The following PTCD2 variants were observed in gnomAD, a reference collection of about 807,000 sequenced individuals.
PTCD2 encodes pentatricopeptide repeat-containing protein 2, mitochondrial.
A neutral mutation model predicts 42.6 loss-of-function variants in PTCD2; 31 were observed. That is an observed-to-expected ratio of 0.73 (90% confidence interval 0.55 to 0.98). The LOEUF is 0.98. Among genes scored for constraint, PTCD2 ranks in the 50% least tolerant of loss-of-function variants. The probability of loss-of-function intolerance (pLI) is 0.00; values close to 1 mark genes in which losing one functional copy is unlikely to be tolerated. For synonymous variants in PTCD2, 183 were observed against 170.9 expected (o/e 1.07, Z -0.55); for missense variants, 476 against 454.8 (o/e 1.05, Z -0.42).
In PTCD2 at chr5:72,360,243, C is replaced by G. The variant is rs1333179507; in HGVS notation, c.*1816C>G. 1 of 151,768 alleles carries G rather than the reference C, an allele frequency of 6.6e-6. No individual in the cohort carries two copies. Among genetic ancestry groups the G allele is most frequent in the East Asian group, 1.9e-4 (1 of 5,176 alleles). 9.4% of individuals were successfully genotyped at this position (151,768 alleles called of 1,614,324 possible). A position where few individuals can be genotyped will look rare whatever the true frequency, so the allele number is the denominator to read the frequency against. ...AAAAAAAAGTGCTTGGATTTCTCCA[C>G]TTTCAGTCTTAGGGAATAATAGGGC... On this transcript the variant is annotated 3_prime_UTR_variant, in exon 10 of 10. Transcript: ENST00000380639.
chr5:72,331,463 G>T, intron 4 of PTCD2, 88 bp downstream of exon 4: 3 of 973,010 alleles, frequency 3.1e-6, no homozygotes, highest in Non-Finnish European at 3.3e-6. Flanking sequence ...ATTATTCCTG[G>T]GTTAGATTTT....
Position 72,331,361 on chromosome 5 carries a change from C to T in PTCD2, c.454C>T (p.Leu152Phe), listed in dbSNP as rs1561380210. ...ELDLEESAVE[L>F]MKDQHLRGFF... Reference sequence around the variant, plus strand: ...GGATCTCGAGGAATCTGCAGTGGAGCTCATGAAAGACCAGGTTATTGTTTC... The same window carrying T: ...GGATCTCGAGGAATCTGCAGTGGAGTTCATGAAAGACCAGGTTATTGTTTC... Residue 152 changes from leucine to phenylalanine, a missense_variant, in exon 4 of 10, where the codon CTC (leucine) becomes TTC (phenylalanine). Physicochemically the swap from Leu to Phe is conservative, Grantham distance 22. Coordinates refer to ENST00000380639, the MANE Select transcript of PTCD2 (RefSeq NM_024754.5). 2 of 1,609,000 alleles carry T rather than the reference C, an allele frequency of 1.2e-6. No individual in the cohort carries two copies. Among genetic ancestry groups the T allele is most frequent in the Admixed American group, 1.7e-5 (1 of 60,014 alleles).
In PTCD2 at chr5:72,364,793, A is replaced by G. The variant is rs1753164206; in HGVS notation, c.*6366A>G. On this transcript the variant is annotated 3_prime_UTR_variant, in exon 10 of 10. Transcript: ENST00000380639. Reference sequence around the variant, plus strand: ...CCTGGGTTGGCCAGTGCATTCATGTACTGGACCAGGGCCCCTGTATCTTGC... The same window carrying G: ...CCTGGGTTGGCCAGTGCATTCATGTGCTGGACCAGGGCCCCTGTATCTTGC... 1 of 152,142 alleles carries G rather than the reference A, an allele frequency of 6.6e-6. No homozygotes were observed. The highest frequency in any genetic ancestry group is 6.5e-5 in the Admixed American group (1 of 15,276). 9.4% of individuals were successfully genotyped at this position (152,142 alleles called of 1,614,324 possible).
intron 7 of PTCD2, among the ~76,000 whole-genome samples, chr5:72,341,052 C>T (rs1374931211): frequency 6.6e-6 from 1 of 151,814 alleles, no homozygotes; most frequent in African/African-American, 2.4e-5. Context: ...GCAACCTCCG[C>T]CTCCTGGGTT....
In PTCD2 at chr5:72,360,322, A is replaced by G. The variant is rs1218609269; in HGVS notation, c.*1895A>G. On this transcript the variant is annotated 3_prime_UTR_variant, in exon 10 of 10. Coordinates refer to ENST00000380639, the MANE Select transcript of PTCD2 (RefSeq NM_024754.5). ...CATCTTCTCCAACTCTCACAGTTCA[A>G]ATGGCTCCAGTGCTGTGGGTGAGTG... 2 of 152,178 alleles carry G rather than the reference A, an allele frequency of 1.3e-5. No individual in the cohort carries two copies. The highest frequency in any genetic ancestry group is 4.8e-5 in the African/African-American group (2 of 41,438). 9.4% of individuals were successfully genotyped at this position (152,178 alleles called of 1,614,324 possible). A position where few individuals can be genotyped will look rare whatever the true frequency, so the allele number is the denominator to read the frequency against.
chr5:72,327,802 A>G (rs960405997), intron 3 of PTCD2, among the ~76,000 whole-genome samples: 1 of 152,150 alleles, frequency 6.6e-6, no homozygotes, highest in Non-Finnish European at 1.5e-5. Flanking sequence ...ATCTGTTTCT[A>G]TATATGAACC....
chr5:72,352,619 C>T, intron 8 of PTCD2, 22 bp from the exon 9 acceptor site: 2 of 1,251,244 alleles, frequency 1.6e-6, no homozygotes, highest in Non-Finnish European at 2.3e-6. Context: ...CTTGGTTTTG[C>T]TTGTGTCTTC....
chr5:72,334,952 A>G, intron 4 of PTCD2, 66 bp from the exon 5 acceptor site: 1 of 952,462 alleles, frequency 1.0e-6, no homozygotes, highest in Non-Finnish European at 1.7e-6. Flanking sequence ...GATAAGAGAC[A>G]GTAAAAGTAC....
At position 72,364,494 on chromosome 5, in the gene PTCD2, G is replaced by A. The variant is rs776747340; in HGVS notation, c.*6067G>A. 4.6e-5 allele frequency: 7 copies of A among 152,066 alleles called. No homozygotes were observed. Among genetic ancestry groups the A allele is most frequent in the Admixed American group, 2.6e-4 (4 of 15,258 alleles). The allele number at this position is 152,066 out of a possible 1,614,324, so 9.4% of individuals were successfully genotyped here. A position where few individuals can be genotyped will look rare whatever the true frequency, so the allele number is the denominator to read the frequency against. On this transcript the variant is annotated 3_prime_UTR_variant, in exon 10 of 10. Transcript: ENST00000380639. ...GTTACAGATCTTTTTCTCCATATCC[G>A]GTCTCTCCTGAAGAACAGAGTATTC...
chr5:72,349,343 A>G (rs545118949), intron 8 of PTCD2, among the ~76,000 whole-genome samples: 18 of 152,324 alleles, frequency 1.2e-4, no homozygotes, highest in African/African-American at 4.3e-4. Flanking sequence ...CCATGACCAT[A>G]CCTAATTGCA....
chr5:72,334,113 G>A (rs187828896), intron 4 of PTCD2, among the ~76,000 whole-genome samples: 9 of 151,976 alleles, frequency 5.9e-5, no homozygotes, highest in Admixed American at 1.3e-4. Context: ...AAGTGATCCC[G>A]CCTCTCCCTC....
At chr5:72,330,963 CTCAGT>C (rs2112146263) in intron 3 of PTCD2, among the ~76,000 whole-genome samples, 1 of 152,354 alleles carries the variant, frequency 6.6e-6, no homozygotes, top group African/African-American at 2.4e-5. Context: ...TGTGCTCACA[CTCAGT>C]CTAGGGGTTG....
chr5:72,346,694 T>C (rs1440098628), intron 8 of PTCD2, among the ~76,000 whole-genome samples: 1 of 152,204 alleles, frequency 6.6e-6, no homozygotes, highest in Non-Finnish European at 1.5e-5. Flanking sequence ...CTCTGACTTA[T>C]CTGCTTCCTA....
Position 72,366,645 on chromosome 5 carries a change from A to G in PTCD2, c.*8218A>G, listed in dbSNP as rs1580202527. ...CAGAGAGAACAGAGGTCCACATAGCAGGCTAGACAGGAAAGGTAGCTGTAG... is the reference window on the plus strand; with the variant it reads ...CAGAGAGAACAGAGGTCCACATAGCGGGCTAGACAGGAAAGGTAGCTGTAG... On this transcript the variant is annotated 3_prime_UTR_variant, in exon 10 of 10. Transcript: ENST00000380639. 6.6e-6 allele frequency: 1 copy of G among 152,238 alleles called. No individual in the cohort carries two copies. The highest frequency in any genetic ancestry group is 1.9e-4 in the East Asian group (1 of 5,194). The allele number at this position is 152,238 out of a possible 1,614,324, so 9.4% of individuals were successfully genotyped here.
chr5:72,355,952 C>G (rs1250420497), intron 9 of PTCD2, among the ~76,000 whole-genome samples: 1 of 152,138 alleles, frequency 6.6e-6, no homozygotes, highest in African/African-American at 2.4e-5. Flanking sequence ...TGTCGCCTTC[C>G]CAGCCCTGTT....
rs1469489546 is a variant in PTCD2 at position 72,365,922 on chromosome 5, A to T, written c.*7495A>T. 6.6e-6 allele frequency: 1 copy of T among 152,190 alleles called. No homozygotes were observed. The highest frequency in any genetic ancestry group is 1.9e-4 in the East Asian group (1 of 5,192). 9.4% of individuals were successfully genotyped at this position (152,190 alleles called of 1,614,324 possible). A position where few individuals can be genotyped will look rare whatever the true frequency, so the allele number is the denominator to read the frequency against. On this transcript the variant is annotated 3_prime_UTR_variant, in exon 10 of 10. Coordinates refer to ENST00000380639, the MANE Select transcript of PTCD2 (RefSeq NM_024754.5). ...TTATAGACAAAAATAGATAACATATAAGACTTACCAGCTGGGCAAGGTAGC... is the reference window on the plus strand; with the variant it reads ...TTATAGACAAAAATAGATAACATATTAGACTTACCAGCTGGGCAAGGTAGC...
chr5:72,334,067 C>T (rs1455379061), intron 4 of PTCD2, among the ~76,000 whole-genome samples: 1 of 152,068 alleles, frequency 6.6e-6, no homozygotes, highest in African/African-American at 2.4e-5. Context: ...TGGGATCTTG[C>T]TGTATTGCCC....
chr5:72,338,599 C>T (rs752904685), intron 6 of PTCD2, 23 bp from the exon 7 acceptor site: 12 of 1,260,024 alleles, frequency 9.5e-6, no homozygotes, highest in South Asian at 3.8e-5. Flanking sequence ...TAACATTAAT[C>T]GAACAATCCT....
chr5:72,339,974 T>C (rs998763025), intron 7 of PTCD2, among the ~76,000 whole-genome samples: 3 of 152,224 alleles, frequency 2.0e-5, no homozygotes, highest in South Asian at 2.1e-4. Context: ...TGAATTGTTT[T>C]GTTTTAGCTT....
Sources: allele counts gnomAD v4.1 joint callset (sites outside exome capture counted in the v4.1 genomes callset), GRCh38; gene constraint gnomAD v4.1.1; transcripts MANE v1.5; gene names NCBI Gene and HGNC (gene_info 2026-07-23, HGNC 2026-07-21).